LRRC72: variants seen among roughly 807,000 people sequenced by gnomAD.
The protein encoded by LRRC72 is leucine-rich repeat-containing protein 72.
In LRRC72, 41 loss-of-function variants were observed where a neutral mutation model predicts 35.8. That is an observed-to-expected ratio of 1.15 (90% CI 0.89 to 1.49). The LOEUF is 1.49. Among genes scored for constraint, LRRC72 ranks in the 40% most tolerant of loss-of-function variants. The pLI is 0.00. For missense variants in LRRC72, 389 were observed against 330.7 expected (o/e 1.18, Z -1.37); for synonymous variants, 118 against 119.2 (o/e 0.99, Z 0.07).
chr7:16,542,780 T>A (rs960657514), intron 3 of LRRC72, among the ~76,000 whole-genome samples: 1 of 152,210 alleles, frequency 6.6e-6, no homozygotes, highest in Admixed American at 6.5e-5. Flanking sequence ...AGTAGCTATC[T>A]TTTTTAGGAA....
chr7:16,556,458 A>G (rs1338930617), intron 3 of LRRC72, among the ~76,000 whole-genome samples: 3 of 152,126 alleles, frequency 2.0e-5, no homozygotes, highest in African/African-American at 4.8e-5. Flanking sequence ...AAAAGGATGA[A>G]CTCTGAATGA....
intron 2 of LRRC72, among the ~76,000 whole-genome samples, chr7:16,534,712 G>A (rs1271883787): frequency 6.6e-6 from 1 of 152,066 alleles, no homozygotes; most frequent in Non-Finnish European, 1.5e-5. Flanking sequence ...TGGGGCATGA[G>A]ATACTCTGAT....
chr7:16,527,322 C>T (rs759085144), intron 1 of LRRC72, among the ~76,000 whole-genome samples: 11 of 152,300 alleles, frequency 7.2e-5, no homozygotes, highest in Middle Eastern at 3.4e-3. Flanking sequence ...GGTTTGAGGA[C>T]TTCCCAGTCC....
In LRRC72 at chr7:16,564,252, C is replaced by T. The variant is rs367607668; in HGVS notation, c.428-2061C>T. 3.9e-5 allele frequency among the ~76,000 whole-genome samples: 6 copies of T among 152,326 alleles called. No homozygotes were observed. The South Asian group carries it at 1.2e-3, about 32-fold the overall frequency. ...AGTAACCACAAAGCAGACTTCTGTACTAAAGCATCTGTGACTTTTTCTTCC... is the reference window on the plus strand; with the variant it reads ...AGTAACCACAAAGCAGACTTCTGTATTAAAGCATCTGTGACTTTTTCTTCC... On this transcript the variant is annotated intron_variant, in intron 5 of 8. Coordinates refer to ENST00000401542, the MANE Select transcript of LRRC72 (RefSeq NM_001195280.2).
chr7:16,548,135 T>G (rs1782481132), intron 3 of LRRC72, among the ~76,000 whole-genome samples: 1 of 152,222 alleles, frequency 6.6e-6, no homozygotes, highest in African/African-American at 2.4e-5. Flanking sequence ...AGCTGGACAC[T>G]TGTTGGGGCA....
intron 1 of LRRC72, among the ~76,000 whole-genome samples, 171 bp downstream of exon 1, chr7:16,527,213 A>G (rs1370495918): frequency 2.0e-5 from 3 of 152,194 alleles, no homozygotes; most frequent in South Asian, 4.1e-4. Context: ...AAAGGAGAAC[A>G]AAGAATCCAG....
chr7:16,527,388 T>C (rs1369032499), intron 1 of LRRC72, among the ~76,000 whole-genome samples: 1 of 151,942 alleles, frequency 6.6e-6, no homozygotes, highest in African/African-American at 2.4e-5. Context: ...CGTATATAAT[T>C]ATAGTGGTTT....
chr7:16,529,256 G>T (rs924078850), intron 1 of LRRC72, among the ~76,000 whole-genome samples: 1 of 152,044 alleles, frequency 6.6e-6, no homozygotes, highest in African/African-American at 2.4e-5. Context: ...ACATTCTTCT[G>T]CTTCTTCTGT....
Position 16,580,064 on chromosome 7 carries a change from T to C in LRRC72, c.671-10T>C, listed in dbSNP as rs1199587090. On this transcript the variant is annotated splice_polypyrimidine_tract_variant and intron_variant, in intron 7 of 8. Transcript: ENST00000401542. ...TAAAATACTAACTTTAAAATGTATT[T>C]TTTTTTTAGATTTTGCATTTGCAAA... is the stretch of plus-strand genomic sequence containing the variant. 2 of 427,730 alleles carry C rather than the reference T, an allele frequency of 4.7e-6. No homozygotes were observed. The highest frequency in any genetic ancestry group is 4.5e-5 in the South Asian group (2 of 44,008). The allele number at this position is 427,730 out of a possible 1,614,324, so 26.5% of individuals were successfully genotyped here.
chr7:16,556,397 C>T (rs961913966), intron 3 of LRRC72, among the ~76,000 whole-genome samples: 1 of 152,068 alleles, frequency 6.6e-6, no homozygotes. Flanking sequence ...TTGGGATGGT[C>T]AAGAAAATGG....
chr7:16,564,770 A>C (rs1299496303), intron 5 of LRRC72, among the ~76,000 whole-genome samples: 1 of 152,080 alleles, frequency 6.6e-6, no homozygotes, highest in Non-Finnish European at 1.5e-5. Flanking sequence ...CAAATATCAG[A>C]ATGCTTTATT....
At chr7:16,537,821 C>A in intron 3 of LRRC72, 125 bp downstream of exon 3, 1 of 575,954 alleles carries the variant, frequency 1.7e-6, no homozygotes, top group Non-Finnish European at 3.0e-6. Flanking sequence ...GCTAAGAAAC[C>A]CATATAAAAC....
intron 1 of LRRC72, among the ~76,000 whole-genome samples, chr7:16,532,121 T>C (rs1312955997): frequency 6.6e-6 from 1 of 152,186 alleles, no homozygotes; most frequent in Non-Finnish European, 1.5e-5. Context: ...GAATTCTCTA[T>C]AGGAAACCTA....
intron 3 of LRRC72, among the ~76,000 whole-genome samples, chr7:16,551,431 T>A (rs932440156): frequency 7.2e-5 from 11 of 152,138 alleles, no homozygotes; most frequent in East Asian, 3.9e-4. Context: ...GGTTGGCAGC[T>A]CCCAGGCAGC....
chr7:16,537,296 A>G (rs1782273660), intron 2 of LRRC72, among the ~76,000 whole-genome samples: 1 of 152,184 alleles, frequency 6.6e-6, no homozygotes, highest in Admixed American at 6.5e-5. Context: ...GTACAGTATC[A>G]GCTTCACTTT....
intron 8 of LRRC72, among the ~76,000 whole-genome samples, chr7:16,580,423 A>G (rs1583656953): frequency 6.6e-6 from 1 of 152,190 alleles, no homozygotes; most frequent in South Asian, 2.1e-4. Context: ...TGGGTGGATC[A>G]CCTCAGGTCA....
chr7:16,541,345 A>G (rs577438266), intron 3 of LRRC72, among the ~76,000 whole-genome samples: 1 of 152,360 alleles, frequency 6.6e-6, no homozygotes, highest in African/African-American at 2.4e-5. Flanking sequence ...CTGCCTGTCA[A>G]GTAGTAAGTC....
intron 7 of LRRC72, among the ~76,000 whole-genome samples, chr7:16,567,877 G>A (rs1016152751): frequency 2.6e-5 from 4 of 152,002 alleles, no homozygotes; most frequent in African/African-American, 9.7e-5. Context: ...TAACATGGAT[G>A]ATTTTACCAA....
intron 3 of LRRC72, among the ~76,000 whole-genome samples, chr7:16,543,812 C>A (rs1481022888): frequency 1.3e-5 from 2 of 152,146 alleles, no homozygotes; most frequent in African/African-American, 4.8e-5. Context: ...ACTAACTATC[C>A]TATGAACTTG....
Sources: gnomAD v4.1 joint callset for allele counts (sites outside exome capture counted in the v4.1 genomes callset) on GRCh38, gnomAD v4.1.1 for gene constraint, MANE v1.5 for transcripts, NCBI Gene and HGNC (gene_info 2026-07-23, HGNC 2026-07-21) for gene names.